MCC: variants seen among roughly 807,000 people sequenced by gnomAD.
MCC encodes the protein colorectal mutant cancer protein.
Under a neutral mutation model 116.2 loss-of-function variants are expected in MCC, and 90 were observed. The ratio of observed to expected loss-of-function variants is 0.77; its 90% CI spans 0.65 to 0.92. The LOEUF is 0.92. Ranked by LOEUF, MCC falls within the 40% of genes least tolerant of loss-of-function variation. The pLI, the probability that MCC is intolerant of heterozygous loss-of-function variation, is 0.00. For missense variants in MCC, 1,516 were observed against 1,312.2 expected (o/e 1.16, Z -2.40); for synonymous variants, 578 against 510.5 (o/e 1.13, Z -1.78).
intron 3 of MCC, among the ~76,000 whole-genome samples, chr5:113,198,563 G>T (rs1292458022): frequency 2.0e-5 from 3 of 151,024 alleles, no homozygotes; most frequent in Non-Finnish European, 4.4e-5. Context: ...AAATAGCCGG[G>T]CATGATGGCC....
intron 12 of MCC, among the ~76,000 whole-genome samples, chr5:113,069,309 T>C (rs969307104): frequency 5.3e-5 from 8 of 152,222 alleles, no homozygotes; most frequent in Admixed American, 2.6e-4. Context: ...GGAGGAAACA[T>C]AGTCACTCTT....
chr5:113,412,707 T>C (rs1770026152), intron 1 of MCC, among the ~76,000 whole-genome samples: 1 of 152,222 alleles, frequency 6.6e-6, no homozygotes, highest in African/African-American at 2.4e-5. Context: ...TGCAATCATG[T>C]CATCTGTAAA....
At chr5:113,479,101 A>G (rs1226563133) in intron 1 of MCC, among the ~76,000 whole-genome samples, 2 of 152,228 alleles carry the variant, frequency 1.3e-5, no homozygotes, top group Admixed American at 1.3e-4. Context: ...TGAACGGATA[A>G]ACAAATTGTG....
chr5:113,398,354 T>C (rs1769589458), intron 1 of MCC, among the ~76,000 whole-genome samples: 1 of 152,138 alleles, frequency 6.6e-6, no homozygotes, highest in Non-Finnish European at 1.5e-5. Context: ...GGAATATAAA[T>C]CATTCTACCA....
chr5:113,063,964 A>C lies in MCC; in HGVS notation c.2213+20T>G, dbSNP rs772694450. The stretch of plus-strand genomic sequence containing the variant: ...CCATGTGGACACACGCCCACCCCAG[A>C]GCAGAAGGCTGAGCATTACCTGGTG... On this transcript the variant is annotated intron_variant, in intron 14 of 18. Transcript: ENST00000408903. 6.2e-7 allele frequency: 1 copy of C among 1,602,804 alleles called. No homozygotes were observed. The highest frequency in any genetic ancestry group is 8.5e-7 in the Non-Finnish European group (1 of 1,174,256).
intron 3 of MCC, chr5:113,294,940 A>G (rs1766664499): frequency 1.2e-5 from 12 of 985,400 alleles, no homozygotes; most frequent in Non-Finnish European, 1.4e-5. Flanking sequence ...TGGAGTTGTA[A>G]GTGGTTTCTG....
chr5:113,306,574 T>C (rs957611203), intron 3 of MCC, among the ~76,000 whole-genome samples: 1 of 152,206 alleles, frequency 6.6e-6, no homozygotes, highest in Non-Finnish European at 1.5e-5. Context: ...TTGGGTTGTC[T>C]TTTTATTGTT....
At chr5:113,391,863 A>T (rs930301432) in intron 1 of MCC, among the ~76,000 whole-genome samples, 1 of 152,114 alleles carries the variant, frequency 6.6e-6, no homozygotes, top group African/African-American at 2.4e-5. Context: ...GTGGAGAGGG[A>T]GGTAGGGTAG....
At chr5:113,265,064 G>A (rs1373833098) in intron 3 of MCC, among the ~76,000 whole-genome samples, 1 of 152,108 alleles carries the variant, frequency 6.6e-6, no homozygotes, top group Non-Finnish European at 1.5e-5. Context: ...CTGGAACACA[G>A]CTATGTCCAT....
chr5:113,452,131 T>C (rs6871934), intron 1 of MCC, among the ~76,000 whole-genome samples: 19,219 of 152,174 alleles, frequency 0.13, 1,450 homozygotes, highest in Non-Finnish European at 0.18. Context: ...AGGGTGCAAA[T>C]GGAAACTGCC....
rs1204020069 is a variant in MCC at position 113,423,387 on chromosome 5, A to G, written c.171-38175T>C. 1.3e-5 allele frequency among the ~76,000 whole-genome samples: 2 copies of G among 152,230 alleles called. 1 individual carries two copies. The highest frequency in any genetic ancestry group is 4.1e-4 in the South Asian group (2 of 4,834). On this transcript the variant is annotated intron_variant, in intron 1 of 18. Transcript: ENST00000408903. ...AACAGGGTGTCTTTAAAAAGAACCT[A>G]TACATAACACAAAGCTATGTGTTGA...
chr5:113,314,190 A>AT (rs1485157411), intron 3 of MCC, among the ~76,000 whole-genome samples: 1 of 152,144 alleles, frequency 6.6e-6, no homozygotes, highest in Non-Finnish European at 1.5e-5. Context: ...AAAATCTGTC[A>AT]TTTTCTAGGC....
intron 1 of MCC, among the ~76,000 whole-genome samples, chr5:113,421,898 G>C (rs1770347442): frequency 6.6e-6 from 1 of 152,124 alleles, no homozygotes; most frequent in Non-Finnish European, 1.5e-5. Flanking sequence ...CCACTTCCCA[G>C]TTCCCTGGGG....
intron 3 of MCC, among the ~76,000 whole-genome samples, chr5:113,171,858 T>A (rs542245552): frequency 2.6e-5 from 4 of 152,278 alleles, no homozygotes; most frequent in African/African-American, 9.6e-5. Context: ...CATCAGTAAC[T>A]GACCCTACTA....
At chr5:113,379,418 T>C (rs1769061260) in intron 2 of MCC, among the ~76,000 whole-genome samples, 1 of 152,230 alleles carries the variant, frequency 6.6e-6, no homozygotes, top group African/African-American at 2.4e-5. Context: ...ACTTTACATG[T>C]AATATCTCAC....
intron 2 of MCC, among the ~76,000 whole-genome samples, chr5:113,358,435 T>C (rs1473332533): frequency 6.6e-6 from 1 of 152,208 alleles, no homozygotes; most frequent in African/African-American, 2.4e-5. Context: ...TTTAGCTTCT[T>C]TTCCATCCTT....
At chr5:113,049,821 A>T (rs957427458) in intron 15 of MCC, among the ~76,000 whole-genome samples, 9 of 152,204 alleles carry the variant, frequency 5.9e-5, no homozygotes, top group African/African-American at 1.4e-4. Flanking sequence ...CATGCGGCGA[A>T]TGCCTGCAGC....
intron 3 of MCC, among the ~76,000 whole-genome samples, chr5:113,290,234 G>T (rs1388028861): frequency 6.6e-6 from 1 of 152,228 alleles, no homozygotes; most frequent in Admixed American, 6.5e-5. Flanking sequence ...GAAGTGGAAT[G>T]ATCTGATACA....
chr5:113,178,367 C>T (rs1482392674), intron 3 of MCC, among the ~76,000 whole-genome samples: 3 of 151,926 alleles, frequency 2.0e-5, no homozygotes, highest in Non-Finnish European at 4.4e-5. Flanking sequence ...GGCATTAGTG[C>T]AGCAAAGGAT....
Sources: allele counts gnomAD v4.1 joint callset (sites outside exome capture counted in the v4.1 genomes callset), GRCh38; gene constraint gnomAD v4.1.1; transcripts MANE v1.5; gene names NCBI Gene and HGNC (gene_info 2026-07-23, HGNC 2026-07-21).